The following KALRN variants were observed in gnomAD, a reference collection of about 807,000 sequenced individuals.
The protein encoded by KALRN is kalirin.
A neutral mutation model predicts 353.7 loss-of-function variants in KALRN; 70 were observed. The observed-to-expected ratio is 0.20, with a 90% confidence interval of 0.16 to 0.24. The LOEUF (loss-of-function observed/expected upper bound fraction) is 0.24. Ranked by LOEUF, KALRN falls within the 10% of genes least tolerant of loss-of-function variation. KALRN has a pLI of 1.00. For synonymous variants in KALRN, 1,391 were observed against 1,434.8 expected, an observed-to-expected ratio of 0.97 and a Z score of 0.69; for missense variants, 2,791 against 3,756.7, an observed-to-expected ratio of 0.74 and a Z score of 6.72.
intron 1 of KALRN, among the ~76,000 whole-genome samples, chr3:124,124,184 A>G (rs2064358969): frequency 6.6e-6 from 1 of 152,222 alleles, no homozygotes; most frequent in African/African-American, 2.4e-5. Flanking sequence ...GGTTCGTGGG[A>G]GGAGGTCAAA....
intron 10 of KALRN, among the ~76,000 whole-genome samples, chr3:124,350,948 C>T (rs1418793015): frequency 1.3e-5 from 2 of 152,122 alleles, no homozygotes; most frequent in Non-Finnish European, 2.9e-5. Context: ...TGCCTTATTC[C>T]TTCATCACCA....
chr3:124,518,462 G>A (rs759216837), intron 33 of KALRN: 14 of 1,613,954 alleles, frequency 8.7e-6, no homozygotes, highest in African/African-American at 4.0e-5. Context: ...CTTACGTTTA[G>A]CGCGCATCCT....
intron 34 of KALRN, among the ~76,000 whole-genome samples, chr3:124,628,674 C>G (rs1175446986): frequency 6.6e-6 from 1 of 151,078 alleles, no homozygotes; most frequent in East Asian, 1.9e-4. Context: ...CTCCTAGGCT[C>G]AAACTGTTCT....
At chr3:124,304,298 T>C (rs1047895299) in intron 6 of KALRN, among the ~76,000 whole-genome samples, 2 of 152,194 alleles carry the variant, frequency 1.3e-5, no homozygotes, top group African/African-American at 4.8e-5. Flanking sequence ...TTAGTATAAT[T>C]TTTTGTCAAA....
At chr3:124,250,635 A>G (rs1319368102) in intron 3 of KALRN, among the ~76,000 whole-genome samples, 1 of 152,238 alleles carries the variant, frequency 6.6e-6, no homozygotes, top group African/African-American at 2.4e-5. Flanking sequence ...TAAAGTTAAA[A>G]GATGAATTGT....
At chr3:124,278,956 C>T (rs943685044) in intron 5 of KALRN, among the ~76,000 whole-genome samples, 3 of 152,202 alleles carry the variant, frequency 2.0e-5, no homozygotes, top group Admixed American at 2.0e-4. Context: ...CTACCATTTT[C>T]CCTGTTCCTC....
At chr3:124,077,523 G>T (rs1315273328) in intron 1 of KALRN, among the ~76,000 whole-genome samples, 4 of 151,896 alleles carry the variant, frequency 2.6e-5, no homozygotes, top group African/African-American at 9.7e-5. Flanking sequence ...TTCCAAATCC[G>T]CATCCTTCCA....
intron 21 of KALRN, among the ~76,000 whole-genome samples, chr3:124,453,328 A>T (rs1375665168): frequency 6.6e-6 from 1 of 152,158 alleles, no homozygotes; most frequent in Non-Finnish European, 1.5e-5. Flanking sequence ...CTGTCCTGAG[A>T]TAGGAGAGGC....
chr3:124,291,205 G>A (rs1229023359), intron 5 of KALRN, among the ~76,000 whole-genome samples: 1 of 152,150 alleles, frequency 6.6e-6, no homozygotes, highest in African/African-American at 2.4e-5. Context: ...ATGCCCCATG[G>A]GAACCAGTAT....
At chr3:124,304,202 GC>G (rs2077499469) in intron 6 of KALRN, among the ~76,000 whole-genome samples, 3 of 151,574 alleles carry the variant, frequency 2.0e-5, no homozygotes, top group Admixed American at 2.0e-4. Context: ...CACTGCCATA[GC>G]TGCAAAGTCC....
chr3:124,537,964 A>C (rs578249054), intron 33 of KALRN, among the ~76,000 whole-genome samples: 1 of 152,370 alleles, frequency 6.6e-6, no homozygotes, highest in African/African-American at 2.4e-5. Flanking sequence ...GAAGAGGATA[A>C]TATGGTAAGG....
At chr3:124,215,042 C>T (rs2077199860) in intron 1 of KALRN, among the ~76,000 whole-genome samples, 3 of 152,266 alleles carry the variant, frequency 2.0e-5, no homozygotes, top group South Asian at 4.1e-4. Flanking sequence ...AACCCAGTCT[C>T]ATAAGGGCAG....
At chr3:124,361,625 G>A (rs533226852) in intron 10 of KALRN, among the ~76,000 whole-genome samples, 3 of 152,348 alleles carry the variant, frequency 2.0e-5, no homozygotes, top group African/African-American at 4.8e-5. Context: ...AAGACAGAGG[G>A]CTGGGTCTAA....
chr3:124,714,073 G>GA lies in KALRN; in HGVS notation c.8276+951dup, dbSNP rs34464742. On this transcript the variant is annotated intron_variant, in intron 58 of 59. Coordinates refer to ENST00000682506, the MANE Select transcript of KALRN (RefSeq NM_001388419.1). ...GTTTGGCTATTTTTAAAATCAGCTG[G>GA]AAAAAAAAAAAAACAGAGGGGACAA... is the stretch of plus-strand genomic sequence containing the variant. 8.2e-3 allele frequency among the ~76,000 whole-genome samples: 1,173 copies of GA among 143,092 alleles called. 10 individuals carry two copies. The highest frequency in any genetic ancestry group is 9.1e-3 in the Non-Finnish European group (587 of 64,464). The allele number at this position is 143,092 out of a possible 152,430, so 93.9% of individuals were successfully genotyped here.
chr3:124,495,367 A>T (rs930603671), intron 32 of KALRN, among the ~76,000 whole-genome samples: 1 of 152,196 alleles, frequency 6.6e-6, no homozygotes, highest in Non-Finnish European at 1.5e-5. Context: ...AATATCAGGA[A>T]TTTCCCAAAG....
At chr3:124,301,836 C>T (rs1167349548) in intron 6 of KALRN, among the ~76,000 whole-genome samples, 1 of 152,192 alleles carries the variant, frequency 6.6e-6, no homozygotes, top group African/African-American at 2.4e-5. Context: ...GGAAATTATA[C>T]ACACACATAT....
chr3:124,187,471 G>C (rs2074371272), intron 1 of KALRN, among the ~76,000 whole-genome samples: 1 of 152,192 alleles, frequency 6.6e-6, no homozygotes, highest in Admixed American at 6.5e-5. Flanking sequence ...AGGATCTTCA[G>C]CAGCTGTTCA....
intron 34 of KALRN, among the ~76,000 whole-genome samples, chr3:124,575,323 G>A (rs1390593407): frequency 1.3e-5 from 2 of 152,200 alleles, no homozygotes; most frequent in Non-Finnish European, 2.9e-5. Context: ...CCCGTTGCTT[G>A]CCCCCAGCTG....
chr3:124,496,498 T>A, intron 33 of KALRN, 85 bp downstream of exon 33: 2 of 964,768 alleles, frequency 2.1e-6, no homozygotes, highest in South Asian at 2.7e-5. Flanking sequence ...AGAATTTCTC[T>A]CACTATGGAT....
Sources: allele counts gnomAD v4.1 joint callset (sites outside exome capture counted in the v4.1 genomes callset), GRCh38; gene constraint gnomAD v4.1.1; transcripts MANE v1.5; gene names NCBI Gene and HGNC (gene_info 2026-07-23, HGNC 2026-07-21).